The following SLC38A1 variants were observed in gnomAD, a reference collection of about 807,000 sequenced individuals.
SLC38A1 encodes solute carrier family 38 member 1.
In SLC38A1, 18 loss-of-function variants were observed where a neutral mutation model predicts 60.3. The ratio of observed to expected loss-of-function variants is 0.30; its 90% CI spans 0.21 to 0.44. The LOEUF (loss-of-function observed/expected upper bound fraction) is 0.44. SLC38A1 is among the 20% of genes least tolerant of loss of function. SLC38A1 has a pLI of 1.00. For synonymous variants in SLC38A1, 196 were observed against 212.1 expected (o/e 0.92, Z 0.66); for missense variants, 448 against 587.2 (o/e 0.76, Z 2.45).
At chr12:46,198,589 C>T (rs1939494945) in intron 14 of SLC38A1, 36 bp downstream of exon 14, 2 of 1,431,536 alleles carry the variant, frequency 1.4e-6, no homozygotes, top group Non-Finnish European at 1.9e-6. Flanking sequence ...GCCGAGACCT[C>T]AGCTTTTCTC....
chr12:46,204,642 A>C, intron 9 of SLC38A1, 52 bp from the exon 10 acceptor site: 4 of 1,419,458 alleles, frequency 2.8e-6, no homozygotes, highest in South Asian at 1.3e-5. Context: ...ATTTTTAAAA[A>C]TTTTGGAGCT....
chr12:46,196,095 A>G, intron 16 of SLC38A1: 1 of 1,514,742 alleles, frequency 6.6e-7, no homozygotes. Context: ...AAGCAACCTC[A>G]GGTATTTCTT....
intron 1 of SLC38A1, among the ~76,000 whole-genome samples, chr12:46,259,167 A>G (rs1942123959): frequency 6.6e-6 from 1 of 152,214 alleles, no homozygotes; most frequent in Admixed American, 6.5e-5. Flanking sequence ...AATACATATA[A>G]TTTTTAAAGC....
rs117059896 is a variant in SLC38A1, at chr12:46,207,291, G to A, written c.482-55C>T. The stretch of plus-strand genomic sequence containing the variant: ...GAAGATACGAAGGCTTATGTTGCAA[G>A]CTACATAAAAAGTTATCAGCCCGTT... On this transcript the variant is annotated intron_variant, in intron 7 of 16. Transcript: ENST00000398637. The A allele has an allele frequency of 5.6e-3, 8,315 of 1,476,492 alleles. 44 individuals carry two copies. Among genetic ancestry groups the A allele is most frequent in the Admixed American group, 0.012 (651 of 55,328 alleles). 91.5% of individuals were successfully genotyped at this position (1,476,492 alleles called of 1,614,324 possible).
At position 46,189,053 on chromosome 12, in the gene SLC38A1, G is replaced by T; in HGVS notation, c.1381C>A (p.Leu461Met). Residue 461 changes from leucine to methionine, a missense_variant, in exon 17 of 17, where the codon CTG (leucine) becomes ATG (methionine). Coordinates refer to ENST00000398637, the MANE Select transcript of SLC38A1 (RefSeq NM_030674.4). ...CTGACCAAGGAGAACAACACCCCCA[G>T]GCCCAAGAAAAGGGCAGCCTGGAGC... ...QRIWAALFLG[L>M]GVLFSLVSIP... The T allele has an allele frequency of 6.2e-7, 1 of 1,613,552 alleles. No individual in the cohort carries two copies. The highest frequency in any genetic ancestry group is 1.1e-5 in the South Asian group (1 of 91,028).
At chr12:46,215,023 T>C (rs1940342964) in intron 5 of SLC38A1, among the ~76,000 whole-genome samples, 1 of 152,216 alleles carries the variant, frequency 6.6e-6, no homozygotes, top group South Asian at 2.1e-4. Flanking sequence ...GTGTGCAAAT[T>C]AGGATCTTGT....
intron 5 of SLC38A1, among the ~76,000 whole-genome samples, chr12:46,227,942 G>A (rs909412998): frequency 6.6e-6 from 1 of 152,110 alleles, no homozygotes; most frequent in African/African-American, 2.4e-5. Context: ...TATCCTCAGA[G>A]AGTCAGAATT....
intron 1 of SLC38A1, among the ~76,000 whole-genome samples, chr12:46,245,120 C>CA (rs1350893142): frequency 6.6e-6 from 1 of 152,194 alleles, no homozygotes; most frequent in African/African-American, 2.4e-5. Flanking sequence ...ACCACTGCAT[C>CA]ACTATCAAAC....
chr12:46,233,390 T>C (rs1404835099), intron 3 of SLC38A1, among the ~76,000 whole-genome samples: 3 of 152,206 alleles, frequency 2.0e-5, no homozygotes, highest in Non-Finnish European at 4.4e-5. Context: ...CCTTTGCCTT[T>C]CTTGTGGAGG....
In SLC38A1 at chr12:46,187,469, G is replaced by A. The variant is rs567331286; in HGVS notation, c.*1501C>T. ...AAGCTATGGACAATTCAATCACATG[G>A]GATGGCCCCACTTAGGGGAATGCAG... is the stretch of plus-strand genomic sequence containing the variant. On this transcript the variant is annotated 3_prime_UTR_variant, in exon 17 of 17. Coordinates refer to ENST00000398637, the MANE Select transcript of SLC38A1 (RefSeq NM_030674.4). 1.1e-3 allele frequency: 166 copies of A among 152,334 alleles called. 1 individual carries two copies. Among genetic ancestry groups the A allele is most frequent in the African/African-American group, 3.9e-3 (162 of 41,582 alleles). The allele number at this position is 152,334 out of a possible 1,614,324, so 9.4% of individuals were successfully genotyped here. A position where few individuals can be genotyped will look rare whatever the true frequency, so the allele number is the denominator to read the frequency against.
intron 11 of SLC38A1, among the ~76,000 whole-genome samples, chr12:46,203,325 T>C (rs972231731): frequency 2.0e-5 from 3 of 152,184 alleles, no homozygotes; most frequent in Admixed American, 2.0e-4. Context: ...ACCTATGGTG[T>C]ATTTTATATA....
chr12:46,265,046 C>G (rs1942310600), intron 1 of SLC38A1, among the ~76,000 whole-genome samples: 1 of 152,212 alleles, frequency 6.6e-6, no homozygotes, highest in African/African-American at 2.4e-5. Context: ...TCAACTTTCT[C>G]TCCCTCCTCT....
At chr12:46,240,293 T>G (rs1941402355) in intron 2 of SLC38A1, among the ~76,000 whole-genome samples, 1 of 152,136 alleles carries the variant, frequency 6.6e-6, no homozygotes, top group Admixed American at 6.5e-5. Context: ...GCTTCCCTGG[T>G]TCAAGCGATT....
rs74239129 is a variant in SLC38A1, at chr12:46,233,482, T to A, written c.123-3843A>T. ...TCAAACAAACCAAACAAAACACCAA[T>A]AAACTGCCCGTTATGGAAGATCTAA... On this transcript the variant is annotated intron_variant, in intron 3 of 16. Transcript: ENST00000398637. Among the ~76,000 whole-genome samples the A allele has an allele frequency of 0.022, 3,354 of 152,194 alleles. 289 individuals are homozygous for A. The East Asian group carries it at 0.31, about 14-fold the overall frequency.
chr12:46,209,822 AC>A (rs1940072208), intron 5 of SLC38A1, among the ~76,000 whole-genome samples: 1 of 152,140 alleles, frequency 6.6e-6, no homozygotes, highest in South Asian at 2.1e-4. Flanking sequence ...TCATTATCAC[AC>A]CCTTCTCAAG....
At position 46,268,623 on chromosome 12, in the gene SLC38A1, T is replaced by C. The variant is rs1235945647; in HGVS notation, c.-306A>G. On this transcript the variant is annotated 5_prime_UTR_variant, in exon 1 of 17. Transcript: ENST00000398637. The surrounding 1 kb of genome is among the most constrained non-coding windows in gnomAD (Gnocchi z 4.4). ...CAGTTTGATGTCCTTTGTGTCAAGG[T>C]CTGGCTGCGGAGGCCGGGAAAATGT... 1.3e-5 allele frequency: 3 copies of C among 235,466 alleles called. No individual in the cohort carries two copies. The highest frequency in any genetic ancestry group is 1.2e-4 in the East Asian group (1 of 8,338). The allele number at this position is 235,466 out of a possible 1,614,324, so 14.6% of individuals were successfully genotyped here.
chr12:46,205,585 G>T (rs369511148), intron 9 of SLC38A1, among the ~76,000 whole-genome samples: 1 of 152,108 alleles, frequency 6.6e-6, no homozygotes, highest in Admixed American at 6.5e-5. Context: ...ATGACTTGGA[G>T]ATTATCCGCC....
intron 1 of SLC38A1, among the ~76,000 whole-genome samples, chr12:46,252,888 C>T (rs1782942554): frequency 1.3e-5 from 2 of 151,318 alleles, no homozygotes; most frequent in South Asian, 4.2e-4. Flanking sequence ...GGGATCCTCT[C>T]ATTTGCCACA....
intron 16 of SLC38A1, among the ~76,000 whole-genome samples, chr12:46,194,676 T>C (rs1435027826): frequency 6.6e-6 from 1 of 152,244 alleles, no homozygotes; most frequent in African/African-American, 2.4e-5. Context: ...TTTCATTAAT[T>C]TGATCTTCAA....
Sources: allele counts gnomAD v4.1 joint callset (sites outside exome capture counted in the v4.1 genomes callset), GRCh38; gene constraint gnomAD v4.1.1; non-coding constraint Gnocchi (gnomAD v3.1); transcripts MANE v1.5; gene names NCBI Gene and HGNC (gene_info 2026-07-23, HGNC 2026-07-21).